Variants in NKAIN2 observed in about 807,000 individuals in gnomAD.
NKAIN2 encodes sodium/potassium transporting ATPase interacting 2.
A neutral mutation model predicts 32.6 loss-of-function variants in NKAIN2; 14 were observed. The ratio of observed to expected loss-of-function variants is 0.43; its 90% CI spans 0.28 to 0.67. NKAIN2 has a LOEUF of 0.67. Among genes scored for constraint, NKAIN2 ranks in the 30% least tolerant of loss-of-function variants. The pLI is 0.17. For missense variants in NKAIN2, 198 were observed against 258.3 expected (o/e 0.77, Z 1.60); for synonymous variants, 80 against 87.2 (o/e 0.92, Z 0.46).
intron 3 of NKAIN2, among the ~76,000 whole-genome samples, chr6:124,600,762 C>T (rs1468987845): frequency 6.6e-6 from 1 of 151,942 alleles, no homozygotes; most frequent in African/African-American, 2.4e-5. Context: ...TTTTGGAAAA[C>T]AAACATTTTT....
intron 3 of NKAIN2, among the ~76,000 whole-genome samples, chr6:124,401,864 T>C (rs1773639569): frequency 2.0e-5 from 3 of 152,186 alleles, no homozygotes; most frequent in Admixed American, 6.5e-5. Context: ...ACCTTTTTAT[T>C]CTCCTAATGA....
At chr6:124,357,668 A>G (rs1351332975) in intron 3 of NKAIN2, among the ~76,000 whole-genome samples, 1 of 152,230 alleles carries the variant, frequency 6.6e-6, no homozygotes, top group Non-Finnish European at 1.5e-5. Context: ...TTTCCATGAA[A>G]TCTTTTGTAA....
chr6:124,733,789 G>C (rs1387987192), intron 4 of NKAIN2, among the ~76,000 whole-genome samples: 1 of 151,662 alleles, frequency 6.6e-6, no homozygotes, highest in Non-Finnish European at 1.5e-5. Flanking sequence ...ATATACACAT[G>C]TATAAGCACA....
chr6:124,224,949 A>G (rs1792029453), intron 1 of NKAIN2, among the ~76,000 whole-genome samples: 1 of 152,092 alleles, frequency 6.6e-6, no homozygotes, highest in Non-Finnish European at 1.5e-5. Context: ...TATCCAGTCA[A>G]GTATTACAGT....
At chr6:124,697,717 T>C (rs778006392) in intron 4 of NKAIN2, among the ~76,000 whole-genome samples, 7 of 152,206 alleles carry the variant, frequency 4.6e-5, no homozygotes, top group Non-Finnish European at 1.0e-4. Context: ...CATTTTATTA[T>C]TCCTATAAAG....
At chr6:124,658,615 T>G in intron 4 of NKAIN2, 1 of 1,066,646 alleles carries the variant, frequency 9.4e-7, no homozygotes, top group Non-Finnish European at 1.3e-6. Context: ...TCATCAGCAT[T>G]TTACATAGGA....
intron 1 of NKAIN2, among the ~76,000 whole-genome samples, chr6:123,990,796 G>A (rs1365477461): frequency 6.6e-6 from 1 of 152,116 alleles, no homozygotes; most frequent in African/African-American, 2.4e-5. Flanking sequence ...TTTGCGATAA[G>A]GAGTTCCTGT....
intron 3 of NKAIN2, among the ~76,000 whole-genome samples, chr6:124,655,240 A>G (rs1025175035): frequency 1.3e-5 from 2 of 152,062 alleles, no homozygotes; most frequent in African/African-American, 2.4e-5. Context: ...CTGTGTTCCC[A>G]TTGTGTCTCC....
intron 4 of NKAIN2, among the ~76,000 whole-genome samples, chr6:124,777,874 T>C (rs921121620): frequency 2.0e-5 from 3 of 152,066 alleles, no homozygotes; most frequent in Non-Finnish European, 4.4e-5. Flanking sequence ...TCAGCCATCC[T>C]TCATAAAAGA....
intron 1 of NKAIN2, among the ~76,000 whole-genome samples, chr6:124,033,909 A>T (rs1582964238): frequency 6.6e-6 from 1 of 152,138 alleles, no homozygotes; most frequent in East Asian, 1.9e-4. Flanking sequence ...TAGTAATAAA[A>T]ATATTTTCTG....
rs1053576222 is a variant in NKAIN2, at chr6:124,568,326, A to G, written c.274-89860A>G. On this transcript the variant is annotated intron_variant, in intron 3 of 6. Coordinates refer to ENST00000368417, the MANE Select transcript of NKAIN2 (RefSeq NM_001040214.3). ...TGCCCACTAGGCCCTTACAAATTTA[A>G]CAAATGAAGGGAGGATTACTGCAAT... Among the ~76,000 whole-genome samples, 3 of 152,242 alleles carry G rather than the reference A, an allele frequency of 2.0e-5. No individual in the cohort carries two copies. In the South Asian group the frequency reaches 6.2e-4, roughly 31 times the overall value.
At chr6:124,192,461 T>TA (rs1790067954) in intron 1 of NKAIN2, among the ~76,000 whole-genome samples, 1 of 152,184 alleles carries the variant, frequency 6.6e-6, no homozygotes. Flanking sequence ...ACATATTGTA[T>TA]AAGACATCAA....
intron 1 of NKAIN2, among the ~76,000 whole-genome samples, chr6:123,900,720 A>G (rs1774540335): frequency 6.6e-6 from 1 of 151,776 alleles, no homozygotes; most frequent in South Asian, 2.1e-4. Context: ...ATTGACTTTA[A>G]AAGCTTTTGG....
intron 1 of NKAIN2, among the ~76,000 whole-genome samples, chr6:123,966,611 A>C (rs923120207): frequency 2.6e-5 from 4 of 152,188 alleles, no homozygotes; most frequent in African/African-American, 9.6e-5. Context: ...TTACAAATGG[A>C]TTTTGTTAAG....
chr6:124,498,456 G>A (rs1366283588), intron 3 of NKAIN2, among the ~76,000 whole-genome samples: 1 of 150,862 alleles, frequency 6.6e-6, no homozygotes, highest in Non-Finnish European at 1.5e-5. Context: ...CTAACTGTTA[G>A]CATACAGAAA....
At chr6:124,269,450 TTTC>T (rs1554275189) in intron 1 of NKAIN2, among the ~76,000 whole-genome samples, 47 of 149,538 alleles carry the variant, frequency 3.1e-4, no homozygotes, top group African/African-American at 7.7e-4. Flanking sequence ...TCTTTCTTTC[TTTC>T]TTTTTTTTTT....
intron 1 of NKAIN2, among the ~76,000 whole-genome samples, chr6:124,087,328 T>G (rs575911585): frequency 6.6e-6 from 1 of 152,064 alleles, no homozygotes; most frequent in African/African-American, 2.4e-5. Context: ...TACTTAATGT[T>G]GAGAAACGAG....
chr6:124,778,640 T>C (rs924132898), intron 4 of NKAIN2, among the ~76,000 whole-genome samples: 6 of 152,032 alleles, frequency 3.9e-5, no homozygotes, highest in African/African-American at 1.4e-4. Flanking sequence ...CTAATAAAGA[T>C]AGGTAAATAA....
At chr6:124,608,629 A>C (rs1782581386) in intron 3 of NKAIN2, among the ~76,000 whole-genome samples, 1 of 152,188 alleles carries the variant, frequency 6.6e-6, no homozygotes, top group Admixed American at 6.5e-5. Context: ...TCCAAGTTTT[A>C]AGAAGCTAGA....
Sources: gnomAD v4.1 joint callset for allele counts (sites outside exome capture counted in the v4.1 genomes callset) on GRCh38, gnomAD v4.1.1 for gene constraint, MANE v1.5 for transcripts, NCBI Gene and HGNC (gene_info 2026-07-23, HGNC 2026-07-21) for gene names.